Variants in PTPRD observed in about 807,000 individuals in gnomAD.
The protein encoded by PTPRD is receptor-type tyrosine-protein phosphatase delta.
PTPRD carries 34 observed loss-of-function variants against 214.5 expected under a neutral mutation model. The observed-to-expected ratio is 0.16, with a 90% CI of 0.12 to 0.21. The LOEUF (loss-of-function observed/expected upper bound fraction) is 0.21, where lower values mean the gene tolerates loss of function less well. PTPRD is among the 10% of genes least tolerant of loss of function. PTPRD has a pLI of 1.00. For synonymous variants in PTPRD, 1,128 were observed against 845.7 expected (o/e 1.33, Z -5.79); for missense variants, 2,545 against 2,398.7 (o/e 1.06, Z -1.27).
At chr9:10,600,086 A>G (rs1367221620) in intron 2 of PTPRD, among the ~76,000 whole-genome samples, 3 of 151,790 alleles carry the variant, frequency 2.0e-5, no homozygotes, top group Non-Finnish European at 4.4e-5. Context: ...TTGTAATTGT[A>G]TTACTTACTT....
intron 3 of PTPRD, among the ~76,000 whole-genome samples, chr9:10,248,519 A>AC (rs2092432135): frequency 7.0e-6 from 1 of 143,190 alleles, no homozygotes; most frequent in African/African-American, 2.5e-5. Context: ...AGCAAAAAAA[A>AC]AAAAAAATAA....
chr9:10,577,118 T>C (rs1436093888), intron 2 of PTPRD, among the ~76,000 whole-genome samples: 1 of 152,122 alleles, frequency 6.6e-6, no homozygotes, highest in Non-Finnish European at 1.5e-5. Flanking sequence ...TAAACCACTA[T>C]GCATACTGGG....
chr9:9,669,799 G>A (rs1180364848), intron 7 of PTPRD, among the ~76,000 whole-genome samples: 1 of 151,896 alleles, frequency 6.6e-6, no homozygotes, highest in African/African-American at 2.4e-5. Flanking sequence ...GAATATTGAG[G>A]ATCATGTATA....
At position 8,709,341 on chromosome 9, in the gene PTPRD, T is replaced by C. The variant is rs560628409; in HGVS notation, c.64+24439A>G. Among the ~76,000 whole-genome samples the C allele has an allele frequency of 2.2e-4, 33 of 151,704 alleles. No homozygotes were observed. In the East Asian group the frequency reaches 2.3e-3, roughly 11 times the overall value. On this transcript the variant is annotated intron_variant, in intron 12 of 45. Coordinates refer to ENST00000381196, the MANE Select transcript of PTPRD (RefSeq NM_002839.4). ...CATCCTGGCTAACACAGTGAAACCC[T>C]GTCTCTACTAAAAAATACAAAAAAT... is the stretch of plus-strand genomic sequence containing the variant.
At chr9:8,981,423 C>T (rs1030892008) in intron 11 of PTPRD, among the ~76,000 whole-genome samples, 4 of 151,736 alleles carry the variant, frequency 2.6e-5, no homozygotes, top group East Asian at 3.9e-4. Flanking sequence ...AAGTAGGTAT[C>T]GTTTAGTAAA....
chr9:9,064,207 T>C (rs557632897), intron 10 of PTPRD, among the ~76,000 whole-genome samples: 1 of 152,274 alleles, frequency 6.6e-6, no homozygotes, highest in Non-Finnish European at 1.5e-5. Flanking sequence ...AGTTTCAACA[T>C]GTATATTGTT....
chr9:10,242,472 T>C (rs2091270886), intron 3 of PTPRD, among the ~76,000 whole-genome samples: 1 of 152,090 alleles, frequency 6.6e-6, no homozygotes. Context: ...TTCATATGAA[T>C]TAGATCACAG....
Position 9,937,459 on chromosome 9 carries a change from A to G in PTPRD, c.-368+1048T>C, listed in dbSNP as rs181006172. Among the ~76,000 whole-genome samples, 373 of 151,480 alleles carry G rather than the reference A, an allele frequency of 2.5e-3. 2 individuals are homozygous for G. Among genetic ancestry groups the G allele is most frequent in the African/African-American group, 8.4e-3 (350 of 41,434 alleles). ...AAAAATAGTTCCATAGAATTTTACT[A>G]TTAGAAAAAATATTTTATAAATTTT... On this transcript the variant is annotated intron_variant, in intron 5 of 45. Transcript: ENST00000381196.
intron 7 of PTPRD, among the ~76,000 whole-genome samples, chr9:9,689,713 T>A (rs1371014096): frequency 1.3e-5 from 2 of 151,948 alleles, no homozygotes; most frequent in Non-Finnish European, 2.9e-5. Context: ...CTTTATAAGT[T>A]CCCATATATG....
Position 9,325,352 on chromosome 9 carries a change from T to A in PTPRD, c.-203+72097A>T, listed in dbSNP as rs547389377. ...TGGAATGTTCTTCCATTTGTTTGTATCCTTTTTTATTTCATTGAGCAGTGG... is the reference window on the plus strand; with the variant it reads ...TGGAATGTTCTTCCATTTGTTTGTAACCTTTTTTATTTCATTGAGCAGTGG... On this transcript the variant is annotated intron_variant, in intron 9 of 45. Transcript: ENST00000381196. Among the ~76,000 whole-genome samples, 5 of 151,960 alleles carry A rather than the reference T, an allele frequency of 3.3e-5. No homozygotes were observed. The South Asian group carries it at 1.0e-3, about 31-fold the overall frequency.
chr9:8,788,588 T>G (rs2096092833), intron 11 of PTPRD, among the ~76,000 whole-genome samples: 1 of 152,152 alleles, frequency 6.6e-6, no homozygotes, highest in South Asian at 2.1e-4. Flanking sequence ...ATGATATTTT[T>G]TAACTTAGCC....
chr9:9,560,366 T>A (rs761838658), intron 8 of PTPRD, among the ~76,000 whole-genome samples: 8 of 152,338 alleles, frequency 5.3e-5, no homozygotes, highest in Admixed American at 2.6e-4. Context: ...TGTTGCATCT[T>A]GCAGGGACTA....
At chr9:10,438,943 G>A (rs1172988331) in intron 2 of PTPRD, among the ~76,000 whole-genome samples, 1 of 151,676 alleles carries the variant, frequency 6.6e-6, no homozygotes, top group Non-Finnish European at 1.5e-5. Flanking sequence ...GGGTCCCAGT[G>A]AGTCATATCT....
intron 14 of PTPRD, among the ~76,000 whole-genome samples, chr9:8,585,411 T>C (rs2093568311): frequency 6.6e-6 from 1 of 152,228 alleles, no homozygotes; most frequent in Non-Finnish European, 1.5e-5. Flanking sequence ...CTATAGTCAC[T>C]ACTTTGTTTT....
intron 11 of PTPRD, among the ~76,000 whole-genome samples, chr9:8,830,326 T>G (rs1308436284): frequency 6.6e-6 from 1 of 152,164 alleles, no homozygotes; most frequent in Non-Finnish European, 1.5e-5. Context: ...AAAGATTATT[T>G]TGAACTCTAG....
At chr9:9,379,989 T>C (rs1576971) in intron 9 of PTPRD, among the ~76,000 whole-genome samples, 41,209 of 151,890 alleles carry the variant, frequency 0.27, 5,794 homozygotes, top group Middle Eastern at 0.38. Flanking sequence ...TTTCATTTTT[T>C]TCTTTTCCCT....
At chr9:9,319,195 G>A (rs1331165022) in intron 9 of PTPRD, among the ~76,000 whole-genome samples, 1 of 152,180 alleles carries the variant, frequency 6.6e-6, no homozygotes, top group Non-Finnish European at 1.5e-5. Context: ...ATGAATGAAT[G>A]CTGCCTTTCT....
rs2085305207 is a variant in PTPRD at position 9,928,814 on chromosome 9, T to C, written c.-368+9693A>G. ...ATTTGCATTTTGGAAGAAAACTTAATTTTTTGAAGCCAGTTATTTTCTTTA... is the reference window on the plus strand; with the variant it reads ...ATTTGCATTTTGGAAGAAAACTTAACTTTTTGAAGCCAGTTATTTTCTTTA... On this transcript the variant is annotated intron_variant, in intron 5 of 45. Transcript: ENST00000381196. Among the ~76,000 whole-genome samples, 3 of 150,764 alleles carry C rather than the reference T, an allele frequency of 2.0e-5. 1 individual carries two copies. The highest frequency in any genetic ancestry group is 1.3e-4 in the Admixed American group (2 of 15,152).
intron 7 of PTPRD, among the ~76,000 whole-genome samples, chr9:9,577,769 G>T (rs1458851492): frequency 1.3e-5 from 2 of 151,826 alleles, no homozygotes; most frequent in South Asian, 2.1e-4. Context: ...GATCAGTCCG[G>T]GCACGGTGGC....
Sources: gnomAD v4.1 joint callset for allele counts (sites outside exome capture counted in the v4.1 genomes callset) on GRCh38, gnomAD v4.1.1 for gene constraint, MANE v1.5 for transcripts, NCBI Gene and HGNC (gene_info 2026-07-23, HGNC 2026-07-21) for gene names.